RIT2: variants seen among roughly 807,000 people sequenced by gnomAD.
The protein encoded by RIT2 is Ras like without CAAX 2.
Under a neutral mutation model 23.7 loss-of-function variants are expected in RIT2, and 24 were observed. The observed-to-expected ratio is 1.01, with a 90% CI of 0.73 to 1.43. The LOEUF is 1.43. RIT2 is among the 40% of genes most tolerant of loss of function. The probability of loss-of-function intolerance (pLI) is 0.00; values close to 1 mark genes in which losing one functional copy is unlikely to be tolerated. For missense variants in RIT2, 236 were observed against 266.9 expected (o/e 0.88, Z 0.81); for synonymous variants, 107 against 91.1 (o/e 1.17, Z -0.99).
intron 4 of RIT2, among the ~76,000 whole-genome samples, chr18:42,882,820 C>A (rs1369794956): frequency 2.6e-5 from 4 of 152,142 alleles, no homozygotes; most frequent in African/African-American, 9.7e-5. Context: ...CTCCTACAGA[C>A]TATGGGAATG....
At chr18:42,893,755 GA>G (rs959420057) in intron 4 of RIT2, among the ~76,000 whole-genome samples, 2 of 151,988 alleles carry the variant, frequency 1.3e-5, no homozygotes, top group African/African-American at 4.8e-5. Flanking sequence ...TAGAAGGCAA[GA>G]AAAAAAGAGA....
At chr18:42,885,726 C>G (rs1412685128) in intron 4 of RIT2, among the ~76,000 whole-genome samples, 3 of 152,084 alleles carry the variant, frequency 2.0e-5, no homozygotes, top group Admixed American at 2.0e-4. Context: ...TAGGACTTTC[C>G]ATGGAGATAT....
At chr18:43,002,094 T>G (rs1247231431) in intron 2 of RIT2, among the ~76,000 whole-genome samples, 1 of 151,840 alleles carries the variant, frequency 6.6e-6, no homozygotes, top group African/African-American at 2.4e-5. Flanking sequence ...TTCCAAAACC[T>G]CAAAAGTAGA....
At chr18:42,823,865 C>T (rs1906222364) in intron 4 of RIT2, among the ~76,000 whole-genome samples, 1 of 152,060 alleles carries the variant, frequency 6.6e-6, no homozygotes, top group Admixed American at 6.6e-5. Context: ...CTCATGCTCT[C>T]CCTATCATCT....
At chr18:42,903,870 CA>C (rs1908543563) in intron 4 of RIT2, among the ~76,000 whole-genome samples, 1 of 152,020 alleles carries the variant, frequency 6.6e-6, no homozygotes. Context: ...GCAAATCAAT[CA>C]AAGTATTTTT....
At chr18:43,033,757 A>G in intron 2 of RIT2, 54 bp downstream of exon 2, 1 of 1,220,860 alleles carries the variant, frequency 8.2e-7, no homozygotes. Context: ...TTTTCAAGCC[A>G]CTTAGTCACA....
chr18:42,926,256 T>A (rs912078512), intron 3 of RIT2, among the ~76,000 whole-genome samples: 1 of 151,962 alleles, frequency 6.6e-6, no homozygotes, highest in Non-Finnish European at 1.5e-5. Context: ...TATCAAATTG[T>A]TCCACTTTTA....
intron 2 of RIT2, among the ~76,000 whole-genome samples, chr18:42,984,388 T>A (rs1269400565): frequency 3.3e-5 from 5 of 152,042 alleles, no homozygotes; most frequent in Admixed American, 3.3e-4. Flanking sequence ...AACAGATTTG[T>A]GGGTGCCAGG....
At chr18:42,997,587 T>C (rs1911014851) in intron 2 of RIT2, among the ~76,000 whole-genome samples, 1 of 151,818 alleles carries the variant, frequency 6.6e-6, no homozygotes, top group Non-Finnish European at 1.5e-5. Context: ...ATGATGCTAA[T>C]CTCGTATCCC....
intron 1 of RIT2, among the ~76,000 whole-genome samples, chr18:43,105,959 T>C (rs910930265): frequency 6.6e-6 from 1 of 152,166 alleles, no homozygotes; most frequent in Non-Finnish European, 1.5e-5. Flanking sequence ...ACGAGCACAG[T>C]GGACAGTGGT....
intron 2 of RIT2, among the ~76,000 whole-genome samples, chr18:43,026,600 G>GAAAT (rs1568059847): frequency 6.5e-5 from 9 of 137,832 alleles, no homozygotes; most frequent in African/African-American, 2.4e-4. Context: ...AAGAAAGAAA[G>GAAAT]AAAGAAAGAA....
intron 1 of RIT2, among the ~76,000 whole-genome samples, chr18:43,112,384 G>A (rs952318760): frequency 1.5e-4 from 23 of 152,192 alleles, no homozygotes; most frequent in African/African-American, 5.6e-4. Context: ...TGCCTGCCAT[G>A]CAATGGGGGC....
chr18:43,112,323 G>A (rs1039396269), intron 1 of RIT2, among the ~76,000 whole-genome samples: 16 of 152,034 alleles, frequency 1.1e-4, no homozygotes, highest in Admixed American at 3.9e-4. Context: ...TAGAAATACC[G>A]ACTCTGACTG....
chr18:42,743,235 T>C lies in RIT2; in HGVS notation c.*258A>G, dbSNP rs2144807248. 9.1e-6 allele frequency: 4 copies of C among 439,472 alleles called. No individual in the cohort carries two copies. The highest frequency in any genetic ancestry group is 4.3e-5 in the East Asian group (1 of 23,064). The allele number at this position is 439,472 out of a possible 1,614,324, so 27.2% of individuals were successfully genotyped here. ...GACTCTTTAAAGGGAAATGAGGCAATTGGAATGTCAATTTTATTTAGTACT... is the reference window on the plus strand; with the variant it reads ...GACTCTTTAAAGGGAAATGAGGCAACTGGAATGTCAATTTTATTTAGTACT... On this transcript the variant is annotated 3_prime_UTR_variant, in exon 5 of 5. Transcript: ENST00000326695.
chr18:43,012,301 T>C (rs1487459806), intron 2 of RIT2, among the ~76,000 whole-genome samples: 1 of 151,838 alleles, frequency 6.6e-6, no homozygotes, highest in Non-Finnish European at 1.5e-5. Context: ...TTTTTCTTTT[T>C]TTCTTTACCT....
chr18:42,889,262 T>C (rs552129866), intron 4 of RIT2, among the ~76,000 whole-genome samples: 5 of 152,220 alleles, frequency 3.3e-5, no homozygotes, highest in Admixed American at 2.6e-4. Context: ...GAAGAGATTC[T>C]ACTGATCCAA....
At chr18:43,046,620 T>C (rs1023059204) in intron 1 of RIT2, among the ~76,000 whole-genome samples, 1 of 152,170 alleles carries the variant, frequency 6.6e-6, no homozygotes, top group Non-Finnish European at 1.5e-5. Flanking sequence ...TTTACAGAAC[T>C]GAATCATACC....
At chr18:42,940,906 C>A (rs1909586013) in intron 3 of RIT2, among the ~76,000 whole-genome samples, 2 of 152,062 alleles carry the variant, frequency 1.3e-5, no homozygotes, top group Admixed American at 1.3e-4. Context: ...TTTTATGGTA[C>A]AAAATCTTGC....
intron 4 of RIT2, among the ~76,000 whole-genome samples, chr18:42,750,832 C>A (rs1224124161): frequency 1.0e-5 from 1 of 99,616 alleles, no homozygotes. Context: ...ATATTCAAAC[C>A]CTGAAAACTT....
Sources: allele counts gnomAD v4.1 joint callset (sites outside exome capture counted in the v4.1 genomes callset), GRCh38; gene constraint gnomAD v4.1.1; transcripts MANE v1.5; gene names NCBI Gene and HGNC (gene_info 2026-07-23, HGNC 2026-07-21).